The following FREM3 variants were observed in gnomAD, a reference collection of about 807,000 sequenced individuals.
FREM3 encodes the protein FRAS1-related extracellular matrix protein 3.
Under a neutral mutation model 129.1 loss-of-function variants are expected in FREM3, and 105 were observed. That is an observed-to-expected ratio of 0.81 (90% CI 0.69 to 0.96). The LOEUF (loss-of-function observed/expected upper bound fraction) is 0.96. FREM3 is among the 40% of genes least tolerant of loss of function. The pLI is 0.00. For synonymous variants in FREM3, 1,014 were observed against 1,044.9 expected (o/e 0.97, Z 0.57); for missense variants, 2,593 against 2,666.3 (o/e 0.97, Z 0.61).
intron 6 of FREM3, among the ~76,000 whole-genome samples, chr4:143,603,776 C>T (rs1255906263): frequency 6.6e-6 from 1 of 152,138 alleles, no homozygotes; most frequent in African/African-American, 2.4e-5. Context: ...AAGTGACTTG[C>T]TGTGGGGACT....
chr4:143,646,716 T>C (rs1044092956), intron 2 of FREM3, among the ~76,000 whole-genome samples: 1 of 152,198 alleles, frequency 6.6e-6, no homozygotes, highest in Non-Finnish European at 1.5e-5. Flanking sequence ...CTTTGTAAAT[T>C]ACCCAGTCTC....
At chr4:143,616,720 G>A (rs576637867) in intron 5 of FREM3, among the ~76,000 whole-genome samples, 4 of 151,906 alleles carry the variant, frequency 2.6e-5, no homozygotes, top group Non-Finnish European at 5.9e-5. Flanking sequence ...GTGAACCCGG[G>A]AGGCGGAGCT....
intron 2 of FREM3, among the ~76,000 whole-genome samples, chr4:143,647,348 G>C (rs1051017825): frequency 2.6e-5 from 4 of 152,210 alleles, no homozygotes; most frequent in Non-Finnish European, 5.9e-5. Context: ...GTTTTCTGGG[G>C]AGAAATTCAA....
intron 2 of FREM3, among the ~76,000 whole-genome samples, chr4:143,663,108 G>A (rs1418764672): frequency 2.0e-5 from 3 of 152,032 alleles, no homozygotes; most frequent in African/African-American, 7.2e-5. Flanking sequence ...TGTTATGTCT[G>A]TATTTGGTCC....
intron 2 of FREM3, among the ~76,000 whole-genome samples, chr4:143,653,156 G>A (rs181603422): frequency 2.6e-5 from 4 of 152,260 alleles, no homozygotes; most frequent in African/African-American, 4.8e-5. Flanking sequence ...GACCTCAGCA[G>A]CTGAAAAAAC....
intron 2 of FREM3, among the ~76,000 whole-genome samples, chr4:143,670,808 G>C (rs1357253121): frequency 1.3e-5 from 2 of 151,934 alleles, no homozygotes; most frequent in African/African-American, 4.8e-5. Flanking sequence ...TCTTATATCA[G>C]AGCTTTCTTA....
chr4:143,688,444 A>G (rs1165009408), intron 2 of FREM3, among the ~76,000 whole-genome samples: 1 of 152,182 alleles, frequency 6.6e-6, no homozygotes, highest in Non-Finnish European at 1.5e-5. Context: ...AAATGACCAT[A>G]CTGCCAAAAG....
chr4:143,639,813 A>C (rs555668997), intron 2 of FREM3, among the ~76,000 whole-genome samples: 1 of 152,282 alleles, frequency 6.6e-6, no homozygotes, highest in African/African-American at 2.4e-5. Flanking sequence ...TCCAATCCTT[A>C]CAACAACTTT....
chr4:143,614,732 T>C (rs867834041), intron 5 of FREM3, among the ~76,000 whole-genome samples: 17 of 152,376 alleles, frequency 1.1e-4, no homozygotes, highest in Middle Eastern at 3.4e-3. Flanking sequence ...AGCATGGTGA[T>C]GTGCTCTCCA....
intron 5 of FREM3, among the ~76,000 whole-genome samples, chr4:143,612,099 A>G (rs956577733): frequency 3.3e-5 from 5 of 152,230 alleles, no homozygotes; most frequent in African/African-American, 4.8e-5. Flanking sequence ...TTATTTTAAT[A>G]GTTTACTTAC....
rs1376783684 is a variant in FREM3 at position 143,627,771 on chromosome 4, T to C, written c.5276-11A>G. ...TTAGTTTATTTCCTCCTGCAATTGA[T>C]AGGGGCAAAGGAAAAGTCAGCTGGA... On this transcript the variant is annotated splice_polypyrimidine_tract_variant and intron_variant, in intron 2 of 7. Transcript: ENST00000329798. 1.3e-6 allele frequency: 2 copies of C among 1,530,306 alleles called. No individual in the cohort carries two copies. Among genetic ancestry groups the C allele is most frequent in the Admixed American group, 2.0e-5 (1 of 50,906 alleles). 94.8% of individuals were successfully genotyped at this position (1,530,306 alleles called of 1,614,324 possible).
At chr4:143,632,052 A>C (rs904222756) in intron 2 of FREM3, among the ~76,000 whole-genome samples, 3 of 152,190 alleles carry the variant, frequency 2.0e-5, no homozygotes, top group Non-Finnish European at 2.9e-5. Flanking sequence ...ATTCTCTTGT[A>C]GATCTAAGTT....
intron 7 of FREM3, among the ~76,000 whole-genome samples, chr4:143,578,757 A>G (rs1738082912): frequency 6.6e-6 from 1 of 152,248 alleles, no homozygotes; most frequent in Non-Finnish European, 1.5e-5. Flanking sequence ...CATTCTATAT[A>G]GTATAATAAC....
chr4:143,697,014 G>C lies in FREM3; in HGVS notation c.3662C>G (p.Ala1221Gly). Reference sequence around the variant, plus strand: ...GTGGAGCTCATTTGGTGGCAGGTCAGCATCTGCTCCATTAAGCAGCTGGGT... The same window carrying C: ...GTGGAGCTCATTTGGTGGCAGGTCACCATCTGCTCCATTAAGCAGCTGGGT... ...IDTQLLNGAD[A>G]DLPPNELHFQ... The change falls in exon 1 of 8, where the codon GCT (alanine) becomes GGT (glycine). Residue 1221 changes from alanine (A) to glycine (G), a missense_variant. Ala to Gly is a moderately conservative substitution (Grantham distance 60). Around this residue, in one of 2 missense-constraint regions of FREM3, gnomAD observed 2,276 missense variants for 2,267.2 expected, o/e 1.00. Coordinates refer to ENST00000329798, the MANE Select transcript of FREM3 (RefSeq NM_001168235.2). The C allele has an allele frequency of 1.3e-6, 2 of 1,537,584 alleles. No individual in the cohort carries two copies. Among genetic ancestry groups the C allele is most frequent in the Non-Finnish European group, 8.7e-7 (1 of 1,147,004 alleles).
chr4:143,685,548 T>A (rs554450959), intron 2 of FREM3, among the ~76,000 whole-genome samples: 3 of 152,272 alleles, frequency 2.0e-5, no homozygotes, highest in Non-Finnish European at 2.9e-5. Flanking sequence ...AGAACCTCTT[T>A]AAAGCATAAA....
chr4:143,662,267 C>CCA (rs1739745503), intron 2 of FREM3, among the ~76,000 whole-genome samples: 1 of 152,030 alleles, frequency 6.6e-6, no homozygotes, highest in Non-Finnish European at 1.5e-5. Flanking sequence ...TGAATGTGTC[C>CCA]CAGAGATTCT....
At position 143,698,807 on chromosome 4, in the gene FREM3, T is replaced by A; in HGVS notation, c.1869A>T (p.Ser623=). The change falls in exon 1 of 8, where the codon TCA becomes TCT. Residue 623 remains serine, a synonymous_variant. Coordinates refer to ENST00000329798, the MANE Select transcript of FREM3 (RefSeq NM_001168235.2). The stretch of plus-strand genomic sequence containing the variant: ...TGTAGTGCCAGTCTTCATCTTCAGT[T>A]GAGAGAGGTAGTTCAGCCTGCTGCA... ...LLLQQAELPL[S]TEDEDWHYME... The A allele has an allele frequency of 6.5e-7, 1 of 1,537,634 alleles. No homozygotes were observed.
chr4:143,650,823 T>C (rs1739497458), intron 2 of FREM3, among the ~76,000 whole-genome samples: 3 of 152,224 alleles, frequency 2.0e-5, no homozygotes, highest in Non-Finnish European at 4.4e-5. Context: ...ATATCAGTAC[T>C]GTGGATTCAT....
chr4:143,671,784 T>C (rs1343912786), intron 2 of FREM3, among the ~76,000 whole-genome samples: 2 of 152,190 alleles, frequency 1.3e-5, no homozygotes, highest in East Asian at 1.9e-4. Flanking sequence ...TGCGAAGAAT[T>C]CTAATTGTTA....
Sources: gnomAD v4.1 joint callset for allele counts (sites outside exome capture counted in the v4.1 genomes callset) on GRCh38, gnomAD v4.1.1 for gene constraint, gnomAD v4.1.1 regional missense constraint, MANE v1.5 for transcripts, NCBI Gene and HGNC (gene_info 2026-07-23, HGNC 2026-07-21) for gene names.